Variants in DPYD observed in about 807,000 individuals in gnomAD.
The protein encoded by DPYD is dihydropyrimidine dehydrogenase [NADP(+)].
Under a neutral mutation model 116.2 loss-of-function variants are expected in DPYD, and 109 were observed. The observed-to-expected ratio is 0.94, with a 90% CI of 0.80 to 1.10. DPYD has a LOEUF of 1.10. Among genes scored for constraint, DPYD ranks in the 50% least tolerant of loss-of-function variants. The pLI, the probability that DPYD is intolerant of heterozygous loss-of-function variation, is 0.00. For missense variants in DPYD, 1,302 were observed against 1,254.5 expected (o/e 1.04, Z -0.57); for synonymous variants, 440 against 432.0 (o/e 1.02, Z -0.23).
At position 97,570,034 on chromosome 1, in the gene DPYD, T is replaced by A. The variant is rs553655037; in HGVS notation, c.1339+3726A>T. ...ATAAATGATATACTTATCTTTTCTA[T>A]AAGCTGTTGAGGCACTTATCATTTT... On this transcript the variant is annotated intron_variant, in intron 11 of 22. Coordinates refer to ENST00000370192, the MANE Select transcript of DPYD (RefSeq NM_000110.4). Among the ~76,000 whole-genome samples, 15 of 152,154 alleles carry A rather than the reference T, an allele frequency of 9.9e-5. No homozygotes were observed. In the South Asian group the frequency reaches 3.1e-3, roughly 32 times the overall value.
intron 20 of DPYD, among the ~76,000 whole-genome samples, chr1:97,175,199 T>A (rs1657158897): frequency 6.7e-6 from 1 of 149,610 alleles, no homozygotes. Context: ...TGCCAACATT[T>A]ATGTTTTCAG....
At chr1:97,159,666 A>T (rs953710022) in intron 20 of DPYD, among the ~76,000 whole-genome samples, 1 of 152,068 alleles carries the variant, frequency 6.6e-6, no homozygotes, top group Non-Finnish European at 1.5e-5. Context: ...TGCAGAAACT[A>T]TTCAGGGGGC....
chr1:97,533,612 C>A (rs538375656), intron 12 of DPYD, among the ~76,000 whole-genome samples: 1 of 151,838 alleles, frequency 6.6e-6, no homozygotes, highest in Non-Finnish European at 1.5e-5. Context: ...GTGAGAGTGA[C>A]GAAGGTAAAT....
intron 14 of DPYD, among the ~76,000 whole-genome samples, chr1:97,439,691 T>C (rs1452217777): frequency 2.0e-5 from 3 of 152,076 alleles, no homozygotes; most frequent in Non-Finnish European, 4.4e-5. Context: ...GTTCTCTATT[T>C]TTTTTCTTTT....
chr1:97,522,495 C>T (rs1052090369), intron 12 of DPYD, among the ~76,000 whole-genome samples: 9 of 151,800 alleles, frequency 5.9e-5, no homozygotes, highest in African/African-American at 1.2e-4. Flanking sequence ...GGCTGAGGTG[C>T]GTGGATCATG....
At chr1:97,436,922 G>T (rs1675502069) in intron 14 of DPYD, among the ~76,000 whole-genome samples, 2 of 151,780 alleles carry the variant, frequency 1.3e-5, no homozygotes, top group South Asian at 4.1e-4. Flanking sequence ...TAATTCCCAA[G>T]ATGCATTCCA....
intron 21 of DPYD, chr1:97,096,092 A>C (rs2101588936): frequency 6.6e-6 from 1 of 152,280 alleles, no homozygotes; most frequent in South Asian, 2.1e-4. Context: ...AGGAACATAA[A>C]CTTGCACTAT....
chr1:97,101,150 C>A (rs1650654528), intron 20 of DPYD, among the ~76,000 whole-genome samples: 1 of 151,444 alleles, frequency 6.6e-6, no homozygotes, highest in South Asian at 2.1e-4. Context: ...TTCCACCAAG[C>A]ATCTCCACAT....
At chr1:97,520,016 C>A (rs538825023) in intron 12 of DPYD, among the ~76,000 whole-genome samples, 1 of 152,036 alleles carries the variant, frequency 6.6e-6, no homozygotes, top group Non-Finnish European at 1.5e-5. Context: ...AATGCATTAA[C>A]TTCCCCATAT....
At chr1:97,858,881 A>C (rs1040657310) in intron 2 of DPYD, among the ~76,000 whole-genome samples, 34 of 152,228 alleles carry the variant, frequency 2.2e-4, no homozygotes, top group Non-Finnish European at 4.1e-4. Flanking sequence ...GTGTTTGACA[A>C]ATATTATGTA....
At chr1:97,503,397 C>T (rs929303967) in intron 13 of DPYD, among the ~76,000 whole-genome samples, 1 of 152,024 alleles carries the variant, frequency 6.6e-6, no homozygotes, top group Non-Finnish European at 1.5e-5. Flanking sequence ...AGGACCCCAG[C>T]TGCTGTGCTG....
At position 97,595,163 on chromosome 1, in the gene DPYD, A is replaced by G. The variant is rs771194906; in HGVS notation, c.854T>C (p.Leu285Ser). 1 of 1,612,900 alleles carries G rather than the reference A, an allele frequency of 6.2e-7. No individual in the cohort carries two copies. The highest frequency in any genetic ancestry group is 1.3e-5 in the African/African-American group (1 of 75,004). The change falls in exon 9 of 23, where the codon TTG becomes TCG. Residue 285 changes from leucine (L) to serine (S), a missense_variant. Transcript: ENST00000370192. ...GYKAAFIGIG[L>S]PEPNKDAIFQ... ...GATGGCATCTTTATTGGGTTCTGGCAAACCTAAGTAATCAAATTTATAAAA... is the reference window on the plus strand; with the variant it reads ...GATGGCATCTTTATTGGGTTCTGGCGAACCTAAGTAATCAAATTTATAAAA...
chr1:97,718,361 A>G (rs1246995307), intron 5 of DPYD, among the ~76,000 whole-genome samples: 1 of 151,606 alleles, frequency 6.6e-6, no homozygotes, highest in Non-Finnish European at 1.5e-5. Flanking sequence ...GATTCTGGGT[A>G]TTAGTACAAT....
At chr1:97,338,631 T>C (rs1669429276) in intron 16 of DPYD, among the ~76,000 whole-genome samples, 2 of 152,156 alleles carry the variant, frequency 1.3e-5, no homozygotes, top group Non-Finnish European at 2.9e-5. Flanking sequence ...CAAGTTTTTA[T>C]ATTTTAGAAG....
At chr1:97,649,002 C>T (rs1033945052) in intron 8 of DPYD, among the ~76,000 whole-genome samples, 9 of 151,946 alleles carry the variant, frequency 5.9e-5, no homozygotes, top group Admixed American at 6.6e-5. Context: ...TTTTGTTTTA[C>T]ATATGTTATA....
At chr1:97,837,721 C>A (rs1254597938) in intron 2 of DPYD, among the ~76,000 whole-genome samples, 1 of 151,990 alleles carries the variant, frequency 6.6e-6, no homozygotes, top group African/African-American at 2.4e-5. Flanking sequence ...ATAAATAGAT[C>A]AATATGGAAA....
chr1:97,103,867 A>G (rs151224759), intron 20 of DPYD, among the ~76,000 whole-genome samples: 113 of 152,276 alleles, frequency 7.4e-4, no homozygotes, highest in African/African-American at 2.6e-3. Flanking sequence ...ATTTATTCCC[A>G]TAAGCCTTAA....
chr1:97,103,199 T>C (rs1012677919), intron 20 of DPYD, among the ~76,000 whole-genome samples: 7 of 152,096 alleles, frequency 4.6e-5, no homozygotes, highest in African/African-American at 1.7e-4. Context: ...TTTTCTGTTC[T>C]GTAGTTTCTG....
At chr1:97,127,068 G>A (rs954922170) in intron 20 of DPYD, among the ~76,000 whole-genome samples, 22 of 152,166 alleles carry the variant, frequency 1.4e-4, no homozygotes, top group Admixed American at 9.8e-4. Flanking sequence ...AAGTATAAAC[G>A]TAGCAAATGG....
Sources: gnomAD v4.1 joint callset for allele counts (sites outside exome capture counted in the v4.1 genomes callset) on GRCh38, gnomAD v4.1.1 for gene constraint, MANE v1.5 for transcripts, NCBI Gene and HGNC (gene_info 2026-07-23, HGNC 2026-07-21) for gene names.